NELL1: variants seen among roughly 807,000 people sequenced by gnomAD.
NELL1 encodes the protein neural EGFL like 1.
In NELL1, 76 loss-of-function variants were observed where a neutral mutation model predicts 107.4. The ratio of observed to expected loss-of-function variants is 0.71; its 90% CI spans 0.59 to 0.86. NELL1 has a LOEUF of 0.86. Among genes scored for constraint, NELL1 ranks in the 40% least tolerant of loss-of-function variants. The probability of loss-of-function intolerance (pLI) is 0.00; values close to 1 mark genes in which losing one functional copy is unlikely to be tolerated. For synonymous variants in NELL1, 353 were observed against 341.2 expected, an observed-to-expected ratio of 1.03 and a Z score of -0.38; for missense variants, 1,024 against 1,005.5, an observed-to-expected ratio of 1.02 and a Z score of -0.25.
chr11:21,567,216 A>G (rs1480027531), intron 17 of NELL1, among the ~76,000 whole-genome samples: 1 of 151,820 alleles, frequency 6.6e-6, no homozygotes, highest in Non-Finnish European at 1.5e-5. Context: ...TGTTGTAGCT[A>G]TCATTACTTT....
intron 14 of NELL1, among the ~76,000 whole-genome samples, chr11:21,348,663 A>C (rs564158502): frequency 5.9e-5 from 9 of 152,202 alleles, no homozygotes; most frequent in Admixed American, 6.5e-5. Context: ...TGCTAAATGC[A>C]TTTTTAAAGG....
At chr11:21,568,808 A>G (rs1857031142) in intron 17 of NELL1, among the ~76,000 whole-genome samples, 1 of 151,538 alleles carries the variant, frequency 6.6e-6, no homozygotes. Context: ...ATCTCTTATG[A>G]TAACAATGCC....
chr11:20,735,059 G>A (rs1350256220), intron 2 of NELL1, among the ~76,000 whole-genome samples: 1 of 152,108 alleles, frequency 6.6e-6, no homozygotes, highest in Non-Finnish European at 1.5e-5. Context: ...CTAGCAATTA[G>A]TATTAGGAAG....
At chr11:21,196,121 A>G (rs1857146708) in intron 13 of NELL1, among the ~76,000 whole-genome samples, 5 of 152,106 alleles carry the variant, frequency 3.3e-5, no homozygotes, top group Admixed American at 2.0e-4. Flanking sequence ...TTTGCTACAT[A>G]AGTGGAGGTT....
intron 13 of NELL1, among the ~76,000 whole-genome samples, chr11:21,171,584 A>T (rs1386301434): frequency 1.3e-5 from 2 of 151,868 alleles, no homozygotes; most frequent in African/African-American, 4.9e-5. Flanking sequence ...ACTCTCAGAC[A>T]ACTAGTTTTC....
At chr11:20,759,596 C>T (rs764240455) in intron 2 of NELL1, among the ~76,000 whole-genome samples, 10 of 152,172 alleles carry the variant, frequency 6.6e-5, no homozygotes, top group Non-Finnish European at 1.3e-4. Flanking sequence ...CCACTCAGTC[C>T]GACAGCTTCA....
chr11:20,706,572 A>T (rs982320199), intron 2 of NELL1, among the ~76,000 whole-genome samples: 4 of 151,858 alleles, frequency 2.6e-5, no homozygotes, highest in African/African-American at 9.7e-5. Context: ...CTAATGCTAA[A>T]TGATGAGTTA....
At chr11:21,415,225 A>G (rs1416646146) in intron 15 of NELL1, among the ~76,000 whole-genome samples, 1 of 152,096 alleles carries the variant, frequency 6.6e-6, no homozygotes. Context: ...TTAGCAACTT[A>G]TAAAAGAAAG....
At chr11:21,052,143 G>A (rs560346100) in intron 12 of NELL1, among the ~76,000 whole-genome samples, 3 of 152,132 alleles carry the variant, frequency 2.0e-5, no homozygotes, top group Admixed American at 1.3e-4. Context: ...CAGTACAAAT[G>A]CCACAAGACA....
intron 17 of NELL1, among the ~76,000 whole-genome samples, chr11:21,567,967 A>G (rs773306104): frequency 2.3e-4 from 35 of 151,862 alleles, no homozygotes; most frequent in Non-Finnish European, 4.0e-4. Context: ...ATTAAGCTCA[A>G]TATTAGCCAA....
At chr11:21,399,063 C>T (rs545880331) in intron 15 of NELL1, among the ~76,000 whole-genome samples, 7 of 151,572 alleles carry the variant, frequency 4.6e-5, no homozygotes, top group East Asian at 2.0e-4. Context: ...AAATATTAGA[C>T]GAGCTCAGCA....
chr11:21,090,781 G>T (rs1854502942), intron 12 of NELL1, among the ~76,000 whole-genome samples: 1 of 152,116 alleles, frequency 6.6e-6, no homozygotes, highest in Non-Finnish European at 1.5e-5. Context: ...TCCTTGGGAG[G>T]CAAATGAGAG....
chr11:20,937,735 C>T (rs372576607), intron 9 of NELL1, 51 bp from the exon 10 acceptor site: 28 of 1,363,556 alleles, frequency 2.1e-5, no homozygotes, highest in Non-Finnish European at 2.5e-5. Flanking sequence ...CCTCTGAGGT[C>T]ATTTTGTGGC....
chr11:20,780,709 A>T (rs1273757329), intron 2 of NELL1, among the ~76,000 whole-genome samples: 5 of 152,242 alleles, frequency 3.3e-5, no homozygotes, highest in African/African-American at 1.2e-4. Flanking sequence ...ATTAATGCAG[A>T]GTCTGCCTTG....
At chr11:20,999,565 CT>C (rs1181782141) in intron 12 of NELL1, among the ~76,000 whole-genome samples, 2 of 152,192 alleles carry the variant, frequency 1.3e-5, no homozygotes, top group Non-Finnish European at 2.9e-5. Flanking sequence ...TGATCACATG[CT>C]GTTTTTTATT....
intron 14 of NELL1, among the ~76,000 whole-genome samples, chr11:21,351,243 C>T (rs1850806173): frequency 6.6e-6 from 1 of 151,776 alleles, no homozygotes; most frequent in Non-Finnish European, 1.5e-5. Context: ...ATCCAGCCGA[C>T]ACCTTGATTT....
chr11:21,002,917 A>G (rs751542240), intron 12 of NELL1, among the ~76,000 whole-genome samples: 12 of 152,020 alleles, frequency 7.9e-5, no homozygotes, highest in Middle Eastern at 3.2e-3. Context: ...AATTCCCCCA[A>G]TTCCTCTTCT....
chr11:21,096,214 G>T (rs1480498441), intron 12 of NELL1, among the ~76,000 whole-genome samples: 1 of 152,060 alleles, frequency 6.6e-6, no homozygotes, highest in African/African-American at 2.4e-5. Flanking sequence ...GTGTGTCCTA[G>T]GAGCTGATTC....
At chr11:21,204,934 G>A (rs1857356126) in intron 13 of NELL1, among the ~76,000 whole-genome samples, 1 of 152,150 alleles carries the variant, frequency 6.6e-6, no homozygotes, top group Admixed American at 6.5e-5. Context: ...GGTATCACCA[G>A]CAGACGCTGC....
Sources: gnomAD v4.1 joint callset for allele counts (sites outside exome capture counted in the v4.1 genomes callset) on GRCh38, gnomAD v4.1.1 for gene constraint, MANE v1.5 for transcripts, NCBI Gene and HGNC (gene_info 2026-07-23, HGNC 2026-07-21) for gene names.